Variants in RAB18 observed in about 807,000 individuals in gnomAD.
RAB18 encodes ras-related protein Rab-18.
In RAB18, 10 loss-of-function variants were observed where a neutral mutation model predicts 28.5. The ratio of observed to expected loss-of-function variants is 0.35; its 90% CI spans 0.22 to 0.60. The LOEUF (loss-of-function observed/expected upper bound fraction) is 0.60. Ranked by LOEUF, RAB18 falls within the 20% of genes least tolerant of loss-of-function variation. The probability of loss-of-function intolerance (pLI) is 0.78; values close to 1 mark genes in which losing one functional copy is unlikely to be tolerated. For synonymous variants in RAB18, 93 were observed against 86.9 expected, an observed-to-expected ratio of 1.07 and a Z score of -0.39; for missense variants, 188 against 244.2, an observed-to-expected ratio of 0.77 and a Z score of 1.53.
In RAB18 at chr10:27,540,614, C is replaced by T. The variant is rs1177745278; in HGVS notation, c.*2563C>T. 4.4e-6 allele frequency: 2 copies of T among 454,046 alleles called. No individual in the cohort carries two copies. The highest frequency in any genetic ancestry group is 8.8e-6 in the Non-Finnish European group (2 of 226,778). 28.1% of individuals were successfully genotyped at this position (454,046 alleles called of 1,614,324 possible). On this transcript the variant is annotated 3_prime_UTR_variant, in exon 7 of 7. Coordinates refer to ENST00000356940, the MANE Select transcript of RAB18 (RefSeq NM_021252.5). ...TAGGTGGTCTTATTTCTTTCACCTG[C>T]TCAGAGTGGACTGAAAATCCTGACT...
chr10:27,534,526 C>G (rs1834854539), intron 6 of RAB18, among the ~76,000 whole-genome samples: 1 of 152,230 alleles, frequency 6.6e-6, no homozygotes. Flanking sequence ...TTGTCTGTAG[C>G]TGCTTTTGTG....
At chr10:27,528,711 T>C (rs2132400907) in intron 3 of RAB18, among the ~76,000 whole-genome samples, 2 of 152,196 alleles carry the variant, frequency 1.3e-5, no homozygotes, top group South Asian at 4.1e-4. Flanking sequence ...CATCCTGATT[T>C]ATACGTCTGT....
chr10:27,511,850 A>G (rs1237322902), intron 2 of RAB18, among the ~76,000 whole-genome samples: 2 of 152,232 alleles, frequency 1.3e-5, no homozygotes, highest in African/African-American at 4.8e-5. Flanking sequence ...TAAGGACAGT[A>G]TATGATCTTT....
intron 2 of RAB18, among the ~76,000 whole-genome samples, chr10:27,517,782 C>G (rs1486269181): frequency 6.6e-6 from 1 of 152,000 alleles, no homozygotes; most frequent in East Asian, 1.9e-4. Flanking sequence ...TAATTGCCAC[C>G]ACCACAGTCA....
rs773809598 is a variant in RAB18 at position 27,533,938 on chromosome 10, A to C, written c.389A>C (p.Glu130Ala). The C allele has an allele frequency of 6.2e-7, 1 of 1,610,474 alleles. No homozygotes were observed. Among genetic ancestry groups the C allele is most frequent in the East Asian group, 2.2e-5 (1 of 44,782 alleles). Reference sequence around the variant, plus strand: ...GCATTTATATTTTAGGAAAATCGTGAAGTCGATAGAAATGAAGGCCTGAAA... The same window carrying C: ...GCATTTATATTTTAGGAAAATCGTGCAGTCGATAGAAATGAAGGCCTGAAA... Reference protein sequence around the residue: ...VGNKIDKENREVDRNEGLKFA... With the variant: ...VGNKIDKENRAVDRNEGLKFA... The change falls in exon 6 of 7, where the codon GAA (glutamate) becomes GCA (alanine). Residue 130 changes from glutamate to alanine, a missense_variant. Physicochemically the swap from Glu to Ala is moderately radical, Grantham distance 107 (BLOSUM62 -1). Transcript: ENST00000356940.
At chr10:27,515,426 G>A (rs1312044433) in intron 2 of RAB18, among the ~76,000 whole-genome samples, 1 of 151,844 alleles carries the variant, frequency 6.6e-6, no homozygotes, top group Non-Finnish European at 1.5e-5. Flanking sequence ...CTTCAGACTG[G>A]GTCACAACAT....
Position 27,539,441 on chromosome 10 carries a change from C to T in RAB18, c.*1390C>T, listed in dbSNP as rs949344069. The T allele has an allele frequency of 1.3e-5, 4 of 298,786 alleles. No individual in the cohort carries two copies. Among genetic ancestry groups the T allele is most frequent in the South Asian group, 6.1e-5 (2 of 32,936 alleles). The allele number at this position is 298,786 out of a possible 1,614,324, so 18.5% of individuals were successfully genotyped here. A position where few individuals can be genotyped will look rare whatever the true frequency, so the allele number is the denominator to read the frequency against. On this transcript the variant is annotated 3_prime_UTR_variant, in exon 7 of 7. Transcript: ENST00000356940. ...GTTCTTTCTGAAATGTACATCTTTA[C>T]ATATAAAAACCTCACATTCTACTTG...
rs567678904 is a variant in RAB18 at position 27,517,138 on chromosome 10, G to A, written c.124+7208G>A. 1.2e-4 allele frequency among the ~76,000 whole-genome samples: 18 copies of A among 152,216 alleles called. No individual in the cohort carries two copies. The East Asian group carries it at 1.7e-3, about 15-fold the overall frequency. Reference sequence around the variant, plus strand: ...AGCACTTTGGGATGCTGAGGAGGGCGGATCACCTGATTTCAGGAGTTCAAG... The same window carrying A: ...AGCACTTTGGGATGCTGAGGAGGGCAGATCACCTGATTTCAGGAGTTCAAG... On this transcript the variant is annotated intron_variant, in intron 2 of 6. Transcript: ENST00000356940.
intron 3 of RAB18, among the ~76,000 whole-genome samples, chr10:27,529,485 A>G (rs1022598005): frequency 6.6e-6 from 1 of 151,738 alleles, no homozygotes; most frequent in Non-Finnish European, 1.5e-5. Context: ...TGCCCCTCCT[A>G]CCTCCTGAAA....
At chr10:27,527,049 T>C (rs760939732) in intron 3 of RAB18, 160 bp downstream of exon 3, 9 of 811,404 alleles carry the variant, frequency 1.1e-5, no homozygotes, top group South Asian at 4.0e-5. Flanking sequence ...TAATGTCTTA[T>C]AATTGGGTAA....
At chr10:27,522,468 A>G (rs2132390317) in intron 2 of RAB18, among the ~76,000 whole-genome samples, 1 of 152,294 alleles carries the variant, frequency 6.6e-6, no homozygotes, top group African/African-American at 2.4e-5. Context: ...AATCTCTGAT[A>G]GAAAGCATGT....
intron 4 of RAB18, among the ~76,000 whole-genome samples, chr10:27,532,836 T>G (rs930221849): frequency 2.0e-5 from 3 of 152,106 alleles, no homozygotes; most frequent in Non-Finnish European, 4.4e-5. Context: ...TGAGGATTAA[T>G]CAGCATATGT....
rs1834984874 is a variant in RAB18, at chr10:27,539,812, A to G, written c.*1761A>G. 2.2e-6 allele frequency: 1 copy of G among 453,378 alleles called. No homozygotes were observed. The highest frequency in any genetic ancestry group is 4.4e-6 in the Non-Finnish European group (1 of 226,594). 28.1% of individuals were successfully genotyped at this position (453,378 alleles called of 1,614,324 possible). A position where few individuals can be genotyped will look rare whatever the true frequency, so the allele number is the denominator to read the frequency against. On this transcript the variant is annotated 3_prime_UTR_variant, in exon 7 of 7. Coordinates refer to ENST00000356940, the MANE Select transcript of RAB18 (RefSeq NM_021252.5). ...ACCTTTTTCTAGTTCTTGAATAAATATAGCCTGCTTTCCCTAGATGCATTT... is the reference window on the plus strand; with the variant it reads ...ACCTTTTTCTAGTTCTTGAATAAATGTAGCCTGCTTTCCCTAGATGCATTT...
At chr10:27,516,840 GAAGT>G (rs1358676475) in intron 2 of RAB18, among the ~76,000 whole-genome samples, 1 of 152,136 alleles carries the variant, frequency 6.6e-6, no homozygotes, top group East Asian at 1.9e-4. Flanking sequence ...AGTTGAAAAA[GAAGT>G]AAGAAAAGGT....
intron 2 of RAB18, among the ~76,000 whole-genome samples, chr10:27,517,521 C>A (rs986782221): frequency 2.0e-5 from 3 of 151,982 alleles, no homozygotes; most frequent in African/African-American, 7.3e-5. Flanking sequence ...CTTTAAAAGC[C>A]CATGGAACAA....
At chr10:27,530,124 C>T (rs1209309571) in intron 3 of RAB18, among the ~76,000 whole-genome samples, 1 of 151,938 alleles carries the variant, frequency 6.6e-6, no homozygotes, top group Non-Finnish European at 1.5e-5. Context: ...AGTTCATGTT[C>T]ACTTGTTTTT....
chr10:27,536,048 C>T (rs543061874), intron 6 of RAB18, among the ~76,000 whole-genome samples: 3 of 150,546 alleles, frequency 2.0e-5, no homozygotes, highest in Non-Finnish European at 3.0e-5. Context: ...CGCCACTGCA[C>T]TCCAGCCTGG....
chr10:27,525,029 G>C (rs138577101), intron 2 of RAB18, among the ~76,000 whole-genome samples: 1 of 152,174 alleles, frequency 6.6e-6, no homozygotes, highest in Admixed American at 6.5e-5. Flanking sequence ...GCATAACTTA[G>C]AGACATTGTT....
intron 3 of RAB18, chr10:27,527,187 A>C: frequency 2.3e-6 from 1 of 432,158 alleles, no homozygotes; most frequent in South Asian, 1.8e-5. Flanking sequence ...GTTTCTTTGA[A>C]GTTTTAAAAA....
Sources: allele counts gnomAD v4.1 joint callset (sites outside exome capture counted in the v4.1 genomes callset), GRCh38; gene constraint gnomAD v4.1.1; transcripts MANE v1.5; gene names NCBI Gene and HGNC (gene_info 2026-07-23, HGNC 2026-07-21).